The following SERPIND1 variants were observed in gnomAD, a reference collection of about 807,000 sequenced individuals.
SERPIND1 encodes heparin cofactor 2.
A neutral mutation model predicts 35.0 loss-of-function variants in SERPIND1; 34 were observed. The observed-to-expected ratio is 0.97, with a 90% confidence interval of 0.74 to 1.29. The LOEUF (loss-of-function observed/expected upper bound fraction) is 1.29. SERPIND1 is among the 50% of genes most tolerant of loss of function. SERPIND1 has a pLI of 0.00. For missense variants in SERPIND1, 633 were observed against 637.7 expected, an observed-to-expected ratio of 0.99 and a Z score of 0.08; for synonymous variants, 236 against 241.1, an observed-to-expected ratio of 0.98 and a Z score of 0.19.
chr22:20,776,879 T>C (rs1933333071), intron 1 of SERPIND1, among the ~76,000 whole-genome samples: 1 of 151,860 alleles, frequency 6.6e-6, no homozygotes, highest in Non-Finnish European at 1.5e-5. Context: ...TCCGAACAGT[T>C]ACCCCATCTT....
chr22:20,786,821 T>C, intron 4 of SERPIND1, 54 bp from the exon 5 acceptor site: 1 of 1,542,880 alleles, frequency 6.5e-7, no homozygotes, highest in Non-Finnish European at 9.0e-7. Flanking sequence ...TGCTGGGAAC[T>C]CTAGCCCTCT....
At chr22:20,781,823 T>C (rs968375283) in intron 2 of SERPIND1, among the ~76,000 whole-genome samples, 1 of 152,216 alleles carries the variant, frequency 6.6e-6, no homozygotes, top group African/African-American at 2.4e-5. Flanking sequence ...TCACCACTTC[T>C]CGTTTGTGTG....
At chr22:20,783,703 G>A (rs1001454181) in intron 2 of SERPIND1, among the ~76,000 whole-genome samples, 4 of 152,136 alleles carry the variant, frequency 2.6e-5, no homozygotes, top group Non-Finnish European at 4.4e-5. Context: ...AGAAATAGAA[G>A]CGAGTTAGGT....
At chr22:20,779,267 C>T in intron 1 of SERPIND1, 30 bp from the exon 2 acceptor site, 1 of 1,612,822 alleles carries the variant, frequency 6.2e-7, no homozygotes, top group Non-Finnish European at 8.5e-7. Context: ...AGCCAGGCCG[C>T]CTTTCACTGT....
In SERPIND1 at chr22:20,779,841, G is replaced by T; in HGVS notation, c.529G>T (p.Val177Leu). The change falls in exon 2 of 5, where the codon GTG becomes TTG. Residue 177 changes from valine (V) to leucine (L), a missense_variant. Val to Leu is a conservative substitution (Grantham distance 32). Coordinates refer to ENST00000215727, the MANE Select transcript of SERPIND1 (RefSeq NM_000185.4). The part of the protein sequence containing the change: ...LGLKGETHEQ[V>L]HSILHFKDFV... Reference sequence around the variant, plus strand: ...TCTGAAGGGAGAGACCCATGAACAAGTGCACTCGATTTTGCATTTTAAAGA... The same window carrying T: ...TCTGAAGGGAGAGACCCATGAACAATTGCACTCGATTTTGCATTTTAAAGA... 1 of 1,614,204 alleles carries T rather than the reference G, an allele frequency of 6.2e-7. No individual in the cohort carries two copies. Among genetic ancestry groups the T allele is most frequent in the South Asian group, 1.1e-5 (1 of 91,084 alleles).
intron 1 of SERPIND1, among the ~76,000 whole-genome samples, chr22:20,777,118 T>C (rs563681139): frequency 2.0e-5 from 3 of 152,156 alleles, no homozygotes; most frequent in South Asian, 2.1e-4. Context: ...AGTGGCGTGA[T>C]CACGGCTCAC....
chr22:20,779,531 G>A lies in SERPIND1; in HGVS notation c.219G>A (p.Gly73=). The stretch of plus-strand genomic sequence containing the variant: ...TCACCAACGACTGGATTCCAGAGGG[G>A]GAGGAGGACGACGACTATCTGGACC... ...NTVTNDWIPE[G]EEDDDYLDLE... is the part of the protein sequence containing the mutation. The change falls in exon 2 of 5, where the codon GGG becomes GGA. Residue 73 remains glycine (G), a synonymous_variant. Coordinates refer to ENST00000215727, the MANE Select transcript of SERPIND1 (RefSeq NM_000185.4). 6.2e-7 allele frequency: 1 copy of A among 1,613,964 alleles called. No homozygotes were observed. The highest frequency in any genetic ancestry group is 8.5e-7 in the Non-Finnish European group (1 of 1,179,806).
intron 2 of SERPIND1, among the ~76,000 whole-genome samples, chr22:20,783,693 A>T (rs1327894347): frequency 2.0e-5 from 3 of 152,208 alleles, no homozygotes; most frequent in African/African-American, 7.2e-5. Context: ...TGACAGATGA[A>T]GAAATAGAAG....
In SERPIND1 at chr22:20,780,116, G is replaced by A. The variant is rs763025107; in HGVS notation, c.804G>A (p.Lys268=). Residue 268 remains lysine, a synonymous_variant, in exon 2 of 5, where the codon AAG becomes AAA. Transcript: ENST00000215727. ...FISKTNNHIM[K]LTKGLIKDAL... is the part of the protein sequence containing the mutation. ...CAAAAACCAACAACCACATCATGAA[G>A]CTCACCAAGGGCCTCATAAAAGATG... The A allele has an allele frequency of 6.2e-6, 10 of 1,614,150 alleles. No individual in the cohort carries two copies. In the South Asian group the frequency reaches 1.1e-4, roughly 18 times the overall value.
At position 20,787,284 on chromosome 22, in the gene SERPIND1, G is replaced by A. The variant is rs777601746; in HGVS notation, c.*218G>A. The A allele has an allele frequency of 4.4e-5, 26 of 585,526 alleles. No individual in the cohort carries two copies. Among genetic ancestry groups the A allele is most frequent in the Non-Finnish European group, 7.0e-5 (23 of 326,886 alleles). The allele number at this position is 585,526 out of a possible 1,614,324, so 36.3% of individuals were successfully genotyped here. A position where few individuals can be genotyped will look rare whatever the true frequency, so the allele number is the denominator to read the frequency against. On this transcript the variant is annotated 3_prime_UTR_variant, in exon 5 of 5. Transcript: ENST00000215727. ...ATGCTGTAAGCTCATAGAAGTCACT[G>A]TAACTGTAGTGTGTCTGCTGTTACC... is the stretch of plus-strand genomic sequence containing the variant.
intron 4 of SERPIND1, 103 bp from the exon 5 acceptor site, chr22:20,786,772 T>C: frequency 1.7e-6 from 2 of 1,166,050 alleles, no homozygotes; most frequent in Non-Finnish European, 1.3e-6. Flanking sequence ...CCACCTTACA[T>C]GTTGTCTTTG....
chr22:20,785,811 A>C (rs574825788), intron 3 of SERPIND1, among the ~76,000 whole-genome samples, 193 bp from the exon 4 acceptor site: 21 of 152,328 alleles, frequency 1.4e-4, no homozygotes, highest in African/African-American at 5.1e-4. Flanking sequence ...AACACACCTC[A>C]GTTTTCAGTA....
Position 20,780,208 on chromosome 22 carries a change from G to C in SERPIND1, c.889+7G>C. ...AACTGCATCTACTTCAAAGGTAAGA[G>C]GCACCTTTACAGTTCTCACAGCAAA... On this transcript the variant is annotated splice_region_variant and intron_variant, in intron 2 of 4. Coordinates refer to ENST00000215727, the MANE Select transcript of SERPIND1 (RefSeq NM_000185.4). The C allele has an allele frequency of 6.2e-7, 1 of 1,614,174 alleles. No individual in the cohort carries two copies. The highest frequency in any genetic ancestry group is 8.5e-7 in the Non-Finnish European group (1 of 1,180,020).
intron 2 of SERPIND1, among the ~76,000 whole-genome samples, chr22:20,782,773 A>T (rs904663492): frequency 6.6e-6 from 1 of 152,206 alleles, no homozygotes; most frequent in African/African-American, 2.4e-5. Context: ...TACCATGCAC[A>T]GGGCAGCCCA....
At chr22:20,786,250 A>G in intron 4 of SERPIND1, 102 bp downstream of exon 4, 1 of 1,315,956 alleles carries the variant, frequency 7.6e-7, no homozygotes, top group Non-Finnish European at 1.1e-6. Flanking sequence ...CTCATGTCCC[A>G]GCTTGGGGTG....
Position 20,786,884 on chromosome 22 carries a change from C to G in SERPIND1, c.1318C>G (p.Gln440Glu). 1 of 1,614,150 alleles carries G rather than the reference C, an allele frequency of 6.2e-7. No individual in the cohort carries two copies. The highest frequency in any genetic ancestry group is 8.5e-7 in the Non-Finnish European group (1 of 1,180,048). ...QRIAIDLFKH[Q>E]GTITVNEEGT... ...TTTCCTTTCCAAACAGTTCAAGCAC[C>G]AAGGCACGATCACAGTGAACGAGGA... The change falls in exon 5 of 5, where the codon CAA (glutamine) becomes GAA (glutamate). Residue 440 changes from glutamine to glutamate, a missense_variant. Transcript: ENST00000215727.
chr22:20,775,129 T>TG (rs1398001759), intron 1 of SERPIND1, among the ~76,000 whole-genome samples: 8 of 152,038 alleles, frequency 5.3e-5, no homozygotes, highest in Non-Finnish European at 7.4e-5. Context: ...TATGCTCTGA[T>TG]GCGTGACTGA....
Position 20,784,188 on chromosome 22 carries a change from T to A in SERPIND1, c.1106T>A (p.Leu369His). The A allele has an allele frequency of 6.2e-7, 1 of 1,614,158 alleles. No homozygotes were observed. The highest frequency in any genetic ancestry group is 8.5e-7 in the Non-Finnish European group (1 of 1,180,030). ...CACAAGATGTCTGGGATGAAGACCC[T>A]CGAAGCGCAACTGACACCCCGGGTG... Reference protein sequence around the residue: ...VPHKMSGMKTLEAQLTPRVVE... With the variant: ...VPHKMSGMKTHEAQLTPRVVE... Residue 369 changes from leucine to histidine, a missense_variant, in exon 3 of 5, where the codon CTC (leucine) becomes CAC (histidine). Physicochemically the swap from Leu to His is moderately conservative, Grantham distance 99. Transcript: ENST00000215727.
intron 3 of SERPIND1, among the ~76,000 whole-genome samples, chr22:20,785,064 C>A (rs1219206876): frequency 6.7e-6 from 1 of 149,372 alleles, no homozygotes; most frequent in Non-Finnish European, 1.5e-5. Flanking sequence ...AAAGGGACTG[C>A]ATCTTTTTTT....
Sources: gnomAD v4.1 joint callset for allele counts (sites outside exome capture counted in the v4.1 genomes callset) on GRCh38, gnomAD v4.1.1 for gene constraint, MANE v1.5 for transcripts, NCBI Gene and HGNC (gene_info 2026-07-23, HGNC 2026-07-21) for gene names.